The following ZNF480 variants were observed in gnomAD, a reference collection of about 807,000 sequenced individuals.
ZNF480 encodes zinc finger protein 480.
A neutral mutation model predicts 14.4 loss-of-function variants in ZNF480; 15 were observed. The ratio of observed to expected loss-of-function variants is 1.04; its 90% CI spans 0.70 to 1.60. ZNF480 has a LOEUF of 1.60. ZNF480 is among the 40% of genes most tolerant of loss of function. The pLI is 0.00. For missense variants in ZNF480, 593 were observed against 629.7 expected (o/e 0.94, Z 0.62); for synonymous variants, 218 against 215.5 (o/e 1.01, Z -0.10).
At chr19:52,309,277 C>G (rs1265500675) in intron 2 of ZNF480, among the ~76,000 whole-genome samples, 1 of 152,146 alleles carries the variant, frequency 6.6e-6, no homozygotes, top group African/African-American at 2.4e-5. Context: ...CTGGAGGTCC[C>G]TCGCCTTGTC....
At position 52,315,844 on chromosome 19, in the gene ZNF480, TCCTGA is replaced by T; in HGVS notation, c.216_220del (p.Asp72GlufsTer3). On this transcript the variant is annotated frameshift_variant, in exon 4 of 5. Coordinates refer to ENST00000595962, the MANE Select transcript of ZNF480 (RefSeq NM_144684.4). LOFTEE classifies it high-confidence loss of function. ...TTTTTTTACAAACAGGAATCTCTCT[TCCTGA>T]CCTGAATATTAACTCCATGTTGGAG... is the stretch of plus-strand genomic sequence containing the variant. 2.5e-6 allele frequency: 4 copies of T among 1,611,306 alleles called. No homozygotes were observed. The Middle Eastern group carries it at 5.0e-4, about 200-fold the overall frequency.
chr19:52,317,396 G>A (rs939206867), intron 4 of ZNF480: 2 of 151,234 alleles, frequency 1.3e-5, no homozygotes, highest in Non-Finnish European at 2.9e-5. Context: ...TTGAGATGGA[G>A]TTTCGCTTTT....
intron 2 of ZNF480, chr19:52,301,945 A>G (rs1055966227): frequency 6.2e-6 from 1 of 160,070 alleles, no homozygotes; most frequent in Non-Finnish European, 1.4e-5. Flanking sequence ...GACAAGTCAC[A>G]TGATGATTAG....
Position 52,322,056 on chromosome 19 carries a change from G to A in ZNF480, c.806G>A (p.Ser269Asn). Residue 269 changes from serine to asparagine, a missense_variant, in exon 5 of 5, where the codon AGT becomes AAT. Transcript: ENST00000595962. ...YKCNVCGKVF[S>N]YNSNFARHQR... ...TGTAATGTCTGTGGCAAGGTTTTTA[G>A]TTACAATTCAAACTTTGCACGACAT... is the stretch of plus-strand genomic sequence containing the variant. 6.2e-7 allele frequency: 1 copy of A among 1,613,654 alleles called. No individual in the cohort carries two copies. Among genetic ancestry groups the A allele is most frequent in the Non-Finnish European group, 8.5e-7 (1 of 1,179,898 alleles).
In ZNF480 at chr19:52,314,150, T is replaced by C; in HGVS notation, c.73-3T>C. The C allele has an allele frequency of 6.4e-7, 1 of 1,560,148 alleles. No homozygotes were observed. The highest frequency in any genetic ancestry group is 1.1e-5 in the South Asian group (1 of 90,530). On this transcript the variant is annotated splice_region_variant and splice_polypyrimidine_tract_variant and intron_variant, in intron 2 of 4. Transcript: ENST00000595962. ...TGTTGGTGAAATGTGGTTTTCATTT[T>C]AGGGACACTTAACATTCAGGGACGT...
At chr19:52,306,723 A>C (rs533034259) in intron 2 of ZNF480, among the ~76,000 whole-genome samples, 1 of 152,316 alleles carries the variant, frequency 6.6e-6, no homozygotes, top group South Asian at 2.1e-4. Flanking sequence ...TGTAGCCATC[A>C]TATTCCCCTG....
chr19:52,315,757 T>G, intron 3 of ZNF480, 77 bp from the exon 4 acceptor site: 2 of 1,499,798 alleles, frequency 1.3e-6, no homozygotes, highest in Non-Finnish European at 1.8e-6. Flanking sequence ...ATTTGTGATA[T>G]CCTGTCTCCT....
chr19:52,297,245 T>C (rs550932433), intron 1 of ZNF480, 22 bp downstream of exon 1: 1 of 447,368 alleles, frequency 2.2e-6, no homozygotes, highest in South Asian at 1.6e-5. Context: ...TTTGTGTAAA[T>C]TAATCTGCGC....
At chr19:52,317,550 T>TA (rs1323894707) in intron 4 of ZNF480, 1 of 152,206 alleles carries the variant, frequency 6.6e-6, no homozygotes, top group African/African-American at 2.4e-5. Context: ...TTTGTATTAT[T>TA]AGTAGAGACA....
chr19:52,317,390 G>A (rs1428940006), intron 4 of ZNF480: 1 of 151,784 alleles, frequency 6.6e-6, no homozygotes, highest in Non-Finnish European at 1.5e-5. Flanking sequence ...GTTTGTTTGA[G>A]ATGGAGTTTC....
intron 2 of ZNF480, chr19:52,307,360 C>T (rs547884472): frequency 2.6e-5 from 4 of 152,248 alleles, no homozygotes; most frequent in East Asian, 1.9e-4. Context: ...CCATTGTTAC[C>T]CTGATGCTTC....
intron 2 of ZNF480, among the ~76,000 whole-genome samples, chr19:52,303,077 A>T (rs1982773155): frequency 1.3e-5 from 2 of 152,230 alleles, no homozygotes; most frequent in South Asian, 4.1e-4. Context: ...AATGGACTAC[A>T]TATGAAGAAT....
rs997457483 is a variant in ZNF480, at chr19:52,322,814, C to A, written c.1564C>A (p.Arg522Ser). ...KCNECGKAFSRISYLAQHWTI... is the reference protein window; with the variant it reads ...KCNECGKAFSSISYLAQHWTI... Reference sequence around the variant, plus strand: ...TAATGAGTGTGGCAAGGCCTTTAGTCGCATTTCATACCTAGCACAACATTG... The same window carrying A: ...TAATGAGTGTGGCAAGGCCTTTAGTAGCATTTCATACCTAGCACAACATTG... The change falls in exon 5 of 5, where the codon CGC becomes AGC. Residue 522 changes from arginine (R) to serine (S), a missense_variant. By Grantham distance (110) the Arg-to-Ser change is moderately radical. Transcript: ENST00000595962. 1 of 1,607,348 alleles carries A rather than the reference C, an allele frequency of 6.2e-7. No individual in the cohort carries two copies. The highest frequency in any genetic ancestry group is 2.2e-5 in the East Asian group (1 of 44,776).
In ZNF480 at chr19:52,325,705, G is replaced by C. The variant is rs1431449435; in HGVS notation, c.*2847G>C. The stretch of plus-strand genomic sequence containing the variant: ...ATCCCATGTTCTCACTTATAAGTGG[G>C]AGCTAAACATTGATTACACATGGAC... On this transcript the variant is annotated 3_prime_UTR_variant, in exon 5 of 5. Transcript: ENST00000595962. The C allele has an allele frequency of 6.6e-6, 1 of 152,190 alleles. No homozygotes were observed. The highest frequency in any genetic ancestry group is 1.5e-5 in the Non-Finnish European group (1 of 68,034). 9.4% of individuals were successfully genotyped at this position (152,190 alleles called of 1,614,324 possible).
rs537900982 is a variant in ZNF480 at position 52,298,627 on chromosome 19, G to A, written c.-20+1404G>A. On this transcript the variant is annotated intron_variant, in intron 1 of 4. Transcript: ENST00000595962. The stretch of plus-strand genomic sequence containing the variant: ...GGCTGGGCGACAAGAGCAAAACTCC[G>A]TCTCAGGGAAAAAAAAAAAAAAGAG... 2.0e-4 allele frequency among the ~76,000 whole-genome samples: 30 copies of A among 149,710 alleles called. No homozygotes were observed. The South Asian group carries it at 6.1e-3, about 31-fold the overall frequency.
chr19:52,308,283 C>A (rs574909041), intron 2 of ZNF480, among the ~76,000 whole-genome samples: 65 of 147,766 alleles, frequency 4.4e-4, no homozygotes, highest in Middle Eastern at 6.9e-3. Flanking sequence ...GGAAGGAAAA[C>A]GTTTTCTGCT....
intron 2 of ZNF480, chr19:52,308,883 TA>T (rs371003017): frequency 5.4e-4 from 82 of 152,228 alleles, no homozygotes; most frequent in African/African-American, 1.9e-3. Flanking sequence ...AAATTATGTA[TA>T]AATTTGTCTT....
In ZNF480 at chr19:52,322,609, G is replaced by A. The variant is rs1226018900; in HGVS notation, c.1359G>A (p.Lys453=). Reference sequence around the variant, plus strand: ...ATCTTGTAATCCACACTGGAGAGAAGCCTTACAAATGTAGTGAATGTGGCA... The same window carrying A: ...ATCTTGTAATCCACACTGGAGAGAAACCTTACAAATGTAGTGAATGTGGCA... ...SAHLVIHTGE[K]PYKCSECGKA... The change falls in exon 5 of 5, where the codon AAG becomes AAA. Residue 453 remains lysine, a synonymous_variant. Transcript: ENST00000595962. The A allele has an allele frequency of 6.2e-7, 1 of 1,613,896 alleles. No individual in the cohort carries two copies. Among genetic ancestry groups the A allele is most frequent in the East Asian group, 2.2e-5 (1 of 44,852 alleles).
At chr19:52,306,104 A>G (rs1165915905) in intron 2 of ZNF480, among the ~76,000 whole-genome samples, 7 of 152,086 alleles carry the variant, frequency 4.6e-5, no homozygotes, top group African/African-American at 1.4e-4. Context: ...ATTACCTCCA[A>G]TACCATCACA....
Sources: allele counts gnomAD v4.1 joint callset (sites outside exome capture counted in the v4.1 genomes callset), GRCh38; gene constraint gnomAD v4.1.1; transcripts MANE v1.5; gene names NCBI Gene and HGNC (gene_info 2026-07-23, HGNC 2026-07-21).